ADARB2: variants seen among roughly 807,000 people sequenced by gnomAD.
ADARB2 encodes inactive double-stranded RNA-specific editase B2.
Under a neutral mutation model 62.2 loss-of-function variants are expected in ADARB2, and 25 were observed. That is an observed-to-expected ratio of 0.40 (90% CI 0.29 to 0.56). The LOEUF (loss-of-function observed/expected upper bound fraction) is 0.56, where lower values mean the gene tolerates loss of function less well. ADARB2 is among the 20% of genes least tolerant of loss of function. The pLI is 0.43. For missense variants in ADARB2, 1,071 were observed against 1,077.4 expected, an observed-to-expected ratio of 0.99 and a Z score of 0.08; for synonymous variants, 572 against 500.8, an observed-to-expected ratio of 1.14 and a Z score of -1.90.
chr10:1,504,445 A>G (rs1422213614), intron 1 of ADARB2, among the ~76,000 whole-genome samples: 1 of 149,042 alleles, frequency 6.7e-6, no homozygotes. Context: ...TACACGTCTC[A>G]TTGCAGACAC....
At chr10:1,574,407 G>C (rs1832982876) in intron 1 of ADARB2, among the ~76,000 whole-genome samples, 1 of 152,208 alleles carries the variant, frequency 6.6e-6, no homozygotes, top group South Asian at 2.1e-4. Flanking sequence ...CAGACGACGG[G>C]AGCCAGAGGA....
At chr10:1,361,579 A>G (rs1350212206) in intron 3 of ADARB2, 5 of 152,082 alleles carry the variant, frequency 3.3e-5, no homozygotes, top group African/African-American at 9.7e-5. Context: ...GGTGTGCCCT[A>G]CCCCACGCCG....
At chr10:1,625,503 G>A (rs1217590567) in intron 1 of ADARB2, among the ~76,000 whole-genome samples, 2 of 152,074 alleles carry the variant, frequency 1.3e-5, no homozygotes, top group East Asian at 1.9e-4. Context: ...AATGTTCCTC[G>A]GAGGGAAAAA....
chr10:1,644,531 G>A (rs1834014970), intron 1 of ADARB2, among the ~76,000 whole-genome samples: 1 of 152,262 alleles, frequency 6.6e-6, no homozygotes, highest in African/African-American at 2.4e-5. Context: ...GCACATGCTG[G>A]TGGTGACACA....
intron 1 of ADARB2, among the ~76,000 whole-genome samples, chr10:1,553,031 G>A (rs894825489): frequency 6.6e-6 from 1 of 152,240 alleles, no homozygotes; most frequent in Non-Finnish European, 1.5e-5. Flanking sequence ...TGGGACATGG[G>A]GGGAGAGCAG....
chr10:1,285,286 C>G (rs112458763), intron 3 of ADARB2, among the ~76,000 whole-genome samples: 1 of 146,120 alleles, frequency 6.8e-6, no homozygotes, highest in African/African-American at 2.5e-5. Flanking sequence ...GAGCTCACAC[C>G]GTGGGGAAAC....
At chr10:1,730,652 A>C (rs1240425384) in intron 1 of ADARB2, among the ~76,000 whole-genome samples, 3 of 145,622 alleles carry the variant, frequency 2.1e-5, no homozygotes, top group African/African-American at 7.3e-5. Context: ...GAACTTAAGC[A>C]CACATGTTAC....
chr10:1,194,163 T>A (rs570737896), intron 8 of ADARB2, among the ~76,000 whole-genome samples: 1 of 152,350 alleles, frequency 6.6e-6, no homozygotes, highest in Admixed American at 6.5e-5. Context: ...ACTGCGAGAT[T>A]AACCAGCAGT....
At chr10:1,331,539 G>A (rs1236353277) in intron 3 of ADARB2, among the ~76,000 whole-genome samples, 1 of 152,206 alleles carries the variant, frequency 6.6e-6, no homozygotes, top group Non-Finnish European at 1.5e-5. Flanking sequence ...GTCCAGAATA[G>A]GCAAATCATA....
chr10:1,328,386 G>A (rs1406900696), intron 3 of ADARB2, among the ~76,000 whole-genome samples: 1 of 152,208 alleles, frequency 6.6e-6, no homozygotes, highest in African/African-American at 2.4e-5. Context: ...GGGTGGAAAA[G>A]TGGGTTTAGA....
At position 1,184,742 on chromosome 10, in the gene ADARB2, G is replaced by A. The variant is rs540629799; in HGVS notation, c.2043+119C>T. ...GCTGGGAAAAGGACATGTGATGGGC[G>A]CTGTGTCGTGCATCTCCCTCCCTGC... On this transcript the variant is annotated intron_variant, in intron 9 of 9. Coordinates refer to ENST00000381312, the MANE Select transcript of ADARB2 (RefSeq NM_018702.4). The A allele has an allele frequency of 4.2e-5, 48 of 1,148,840 alleles. No individual in the cohort carries two copies. In the East Asian group the frequency reaches 4.4e-4, roughly 11 times the overall value. 71.2% of individuals were successfully genotyped at this position (1,148,840 alleles called of 1,614,324 possible).
intron 1 of ADARB2, among the ~76,000 whole-genome samples, chr10:1,470,160 T>C (rs1324153703): frequency 4.1e-5 from 5 of 123,300 alleles, no homozygotes; most frequent in Non-Finnish European, 9.6e-5. Context: ...TTCCTAGCCA[T>C]GGTCCTGGGC....
chr10:1,627,370 C>CCATTCTCCTCCAT (rs937144429), intron 1 of ADARB2, among the ~76,000 whole-genome samples: 9 of 152,282 alleles, frequency 5.9e-5, no homozygotes, highest in Non-Finnish European at 1.0e-4. Context: ...TCCATTCTTT[C>CCATTCTCCTCCAT]TCTTGATTGC....
At chr10:1,338,823 G>A (rs1373473567) in intron 3 of ADARB2, among the ~76,000 whole-genome samples, 3 of 152,258 alleles carry the variant, frequency 2.0e-5, no homozygotes, top group Admixed American at 1.3e-4. Flanking sequence ...CTGGAAACAG[G>A]GCGGTGGGTG....
intron 1 of ADARB2, among the ~76,000 whole-genome samples, chr10:1,514,043 C>T (rs1232704629): frequency 2.6e-5 from 4 of 151,200 alleles, no homozygotes; most frequent in East Asian, 2.0e-4. Flanking sequence ...GGCAACATAG[C>T]GAGACCCTGT....
At chr10:1,504,224 G>C (rs531209629) in intron 1 of ADARB2, among the ~76,000 whole-genome samples, 2 of 152,262 alleles carry the variant, frequency 1.3e-5, no homozygotes, top group African/African-American at 4.8e-5. Flanking sequence ...GGAGCCCATC[G>C]CTTCCAGCAG....
chr10:1,355,795 C>T (rs891098377), intron 3 of ADARB2, among the ~76,000 whole-genome samples: 1 of 152,188 alleles, frequency 6.6e-6, no homozygotes, highest in Non-Finnish European at 1.5e-5. Context: ...ACATTGCATA[C>T]ATTGTATAAA....
intron 6 of ADARB2, among the ~76,000 whole-genome samples, chr10:1,225,592 T>C (rs1272305936): frequency 1.3e-5 from 2 of 152,212 alleles, no homozygotes; most frequent in African/African-American, 4.8e-5. Flanking sequence ...CAGGAGTTCT[T>C]GTAGGGCAGG....
In ADARB2 at chr10:1,185,026, G is replaced by C. The variant is rs189789673; in HGVS notation, c.1878C>G (p.Ala626=). Residue 626 remains alanine (A), a synonymous_variant, in exon 9 of 10, where the codon GCC becomes GCG. Transcript: ENST00000381312. ...NRPLLSGVSD[A]EARQPGKSPP... The stretch of plus-strand genomic sequence containing the variant: ...GCGACTTCCCCGGCTGGCGCGCCTC[G>C]GCGTCACTCACGCCTGTCGGGGAGA... 2 of 1,612,552 alleles carry C rather than the reference G, an allele frequency of 1.2e-6. No homozygotes were observed. Among genetic ancestry groups the C allele is most frequent in the South Asian group, 2.2e-5 (2 of 91,020 alleles).
Sources: allele counts gnomAD v4.1 joint callset (sites outside exome capture counted in the v4.1 genomes callset), GRCh38; gene constraint gnomAD v4.1.1; transcripts MANE v1.5; gene names NCBI Gene and HGNC (gene_info 2026-07-23, HGNC 2026-07-21).